TENT2: variants seen among roughly 807,000 people sequenced by gnomAD.
TENT2 encodes the protein terminal nucleotidyltransferase 2.
In TENT2, 44 loss-of-function variants were observed where a neutral mutation model predicts 72.2. The ratio of observed to expected loss-of-function variants is 0.61; its 90% CI spans 0.48 to 0.78. TENT2 has a LOEUF of 0.78. Among genes scored for constraint, TENT2 ranks in the 30% least tolerant of loss-of-function variants. The probability of loss-of-function intolerance (pLI) is 0.00; values close to 1 mark genes in which losing one functional copy is unlikely to be tolerated. For missense variants in TENT2, 541 were observed against 569.6 expected (o/e 0.95, Z 0.51); for synonymous variants, 212 against 192.5 (o/e 1.10, Z -0.84).
intron 10 of TENT2, among the ~76,000 whole-genome samples, chr5:79,654,514 A>G (rs999433781): frequency 2.0e-5 from 3 of 152,166 alleles, no homozygotes; most frequent in African/African-American, 7.2e-5. Flanking sequence ...AATGTTTACC[A>G]TATTCCTAGG....
intron 1 of TENT2, chr5:79,615,204 T>TAG (rs1758685319): frequency 6.6e-6 from 1 of 152,204 alleles, no homozygotes. Context: ...ATTAACTTGG[T>TAG]AGAGTAGTTC....
intron 2 of TENT2, 103 bp from the exon 3 acceptor site, chr5:79,619,891 A>G: frequency 6.9e-7 from 1 of 1,443,444 alleles, no homozygotes. Context: ...ATGTCGTCAC[A>G]TTTTTTTTTG....
chr5:79,678,062 C>T (rs1189675598), intron 12 of TENT2, among the ~76,000 whole-genome samples: 1 of 152,184 alleles, frequency 6.6e-6, no homozygotes. Context: ...GGATCTAAAA[C>T]ATTTTCCTGT....
chr5:79,673,546 G>T (rs1814703261), intron 12 of TENT2, among the ~76,000 whole-genome samples: 1 of 150,064 alleles, frequency 6.7e-6, no homozygotes, highest in African/African-American at 2.5e-5. Flanking sequence ...TTATTGAAGA[G>T]ACTGTGCTTT....
rs530413478 is a variant in TENT2, at chr5:79,685,976, A to C, written c.*703A>C. ...GCACTAACTCTTACAACAGTTAGTG[A>C]ATCGTTTTAAAGAATCAGTTCAGTG... On this transcript the variant is annotated 3_prime_UTR_variant, in exon 15 of 15. Coordinates refer to ENST00000453514, the MANE Select transcript of TENT2 (RefSeq NM_001114394.3). The C allele has an allele frequency of 6.5e-6, 1 of 152,740 alleles. No homozygotes were observed. Among genetic ancestry groups the C allele is most frequent in the Non-Finnish European group, 1.5e-5 (1 of 68,022 alleles). The allele number at this position is 152,740 out of a possible 1,614,324, so 9.5% of individuals were successfully genotyped here. A position where few individuals can be genotyped will look rare whatever the true frequency, so the allele number is the denominator to read the frequency against.
chr5:79,683,751 T>TA (rs535776800), intron 14 of TENT2, among the ~76,000 whole-genome samples: 49 of 145,692 alleles, frequency 3.4e-4, no homozygotes, highest in African/African-American at 5.8e-4. Context: ...CCGTTTCTAC[T>TA]AAAAAAAAAA....
At chr5:79,638,278 G>A (rs1464105393) in intron 4 of TENT2, among the ~76,000 whole-genome samples, 9 of 152,008 alleles carry the variant, frequency 5.9e-5, no homozygotes, top group Admixed American at 2.0e-4. Context: ...ACATCCTGGC[G>A]TCTACCTACT....
intron 10 of TENT2, among the ~76,000 whole-genome samples, chr5:79,651,951 A>C (rs761269451): frequency 3.9e-5 from 6 of 152,118 alleles, no homozygotes; most frequent in Non-Finnish European, 7.4e-5. Context: ...ATTTCACTTG[A>C]ACATGTATTA....
intron 11 of TENT2, 129 bp from the exon 12 acceptor site, chr5:79,668,763 T>A: frequency 9.0e-7 from 1 of 1,116,628 alleles, no homozygotes; most frequent in Non-Finnish European, 1.3e-6. Context: ...AAATTTCAGG[T>A]TTCCAAATTG....
intron 12 of TENT2, among the ~76,000 whole-genome samples, chr5:79,671,933 T>C (rs1488567437): frequency 6.6e-6 from 1 of 151,994 alleles, no homozygotes; most frequent in East Asian, 1.9e-4. Flanking sequence ...CAAAACCCCC[T>C]TTCTACTAAA....
intron 12 of TENT2, among the ~76,000 whole-genome samples, chr5:79,678,481 T>A: frequency 6.6e-6 from 1 of 151,866 alleles, no homozygotes; most frequent in Non-Finnish European, 1.5e-5. Flanking sequence ...ATATACAAGC[T>A]GGGTAGTCAT....
Position 79,686,175 on chromosome 5 carries a change from A to G in TENT2, c.*902A>G, listed in dbSNP as rs1357262692. ...AGTATCAGATATTTTTCTGTGTACAATTATAGGATTGTAATCTAAACTGGA... is the reference window on the plus strand; with the variant it reads ...AGTATCAGATATTTTTCTGTGTACAGTTATAGGATTGTAATCTAAACTGGA... On this transcript the variant is annotated 3_prime_UTR_variant, in exon 15 of 15. Transcript: ENST00000453514. 6.6e-6 allele frequency: 1 copy of G among 152,636 alleles called. No individual in the cohort carries two copies. Among genetic ancestry groups the G allele is most frequent in the East Asian group, 1.9e-4 (1 of 5,196 alleles). 9.5% of individuals were successfully genotyped at this position (152,636 alleles called of 1,614,324 possible). A position where few individuals can be genotyped will look rare whatever the true frequency, so the allele number is the denominator to read the frequency against.
intron 11 of TENT2, among the ~76,000 whole-genome samples, chr5:79,660,866 G>T (rs916029663): frequency 2.0e-5 from 3 of 152,116 alleles, no homozygotes; most frequent in African/African-American, 7.2e-5. Context: ...GCATGATATT[G>T]TCCCCAAAGA....
intron 11 of TENT2, among the ~76,000 whole-genome samples, chr5:79,661,584 A>G (rs953226045): frequency 6.6e-6 from 1 of 152,230 alleles, no homozygotes; most frequent in African/African-American, 2.4e-5. Flanking sequence ...ACTATCATGT[A>G]GTCTCTTAAG....
At chr5:79,615,646 A>C (rs1324400577) in intron 1 of TENT2, among the ~76,000 whole-genome samples, 1 of 152,134 alleles carries the variant, frequency 6.6e-6, no homozygotes, top group Non-Finnish European at 1.5e-5. Context: ...TGTGAGCCTG[A>C]GCAAAGGGTG....
chr5:79,659,556 GTATATATATA>G (rs71855117), intron 11 of TENT2, among the ~76,000 whole-genome samples: 345 of 34,280 alleles, frequency 0.01, 16 homozygotes, highest in African/African-American at 0.011. Context: ...AAAAAAAAAT[GTATATATATA>G]TATATATATA....
At chr5:79,660,658 A>G (rs1802105178) in intron 11 of TENT2, among the ~76,000 whole-genome samples, 1 of 152,230 alleles carries the variant, frequency 6.6e-6, no homozygotes. Flanking sequence ...GACCACATAC[A>G]TGATAGTGGT....
At position 79,687,133 on chromosome 5, in the gene TENT2, G is replaced by GTTT. The variant is rs1554096850; in HGVS notation, c.*1860_*1861insTTT. Among the ~76,000 whole-genome samples the GTTT allele has an allele frequency of 1.3e-5, 2 of 152,058 alleles. No individual in the cohort carries two copies. Among genetic ancestry groups the GTTT allele is most frequent in the African/African-American group, 4.8e-5 (2 of 41,410 alleles). On this transcript the variant is annotated 3_prime_UTR_variant, in exon 15 of 15. Transcript: ENST00000453514. ...TTTCAGTGGCCCCACACTTACTACT[G>GTTT]CTTTTCTTTGTTTTACCACGAAAAA... is the stretch of plus-strand genomic sequence containing the variant.
chr5:79,677,081 A>AAC (rs1817852528), intron 12 of TENT2, among the ~76,000 whole-genome samples: 1 of 152,174 alleles, frequency 6.6e-6, no homozygotes, highest in South Asian at 2.1e-4. Flanking sequence ...ATATAACTAA[A>AAC]TCTACCTTTA....
Sources: allele counts gnomAD v4.1 joint callset (sites outside exome capture counted in the v4.1 genomes callset), GRCh38; gene constraint gnomAD v4.1.1; transcripts MANE v1.5; gene names NCBI Gene and HGNC (gene_info 2026-07-23, HGNC 2026-07-21).